Variants in PSMA6 observed in about 807,000 individuals in gnomAD.
The protein encoded by PSMA6 is proteasome subunit alpha type-6.
For missense variants in PSMA6, 170 were observed against 294.8 expected, an observed-to-expected ratio of 0.58 and a Z score of 3.10; for synonymous variants, 88 against 97.7, an observed-to-expected ratio of 0.90 and a Z score of 0.59.
intron 1 of PSMA6, among the ~76,000 whole-genome samples, chr14:35,280,191 G>A (rs527323931): frequency 1.3e-5 from 2 of 151,676 alleles, no homozygotes; most frequent in East Asian, 3.9e-4. Context: ...TGTAATCCCA[G>A]CACTTTGGGA....
At chr14:35,311,132 G>A in intron 4 of PSMA6, 2 of 372,296 alleles carry the variant, frequency 5.4e-6, no homozygotes, top group South Asian at 7.9e-5. Flanking sequence ...TCCATTTGGT[G>A]TATGTGATTT....
chr14:35,297,408 G>C (rs2138723364), intron 1 of PSMA6, among the ~76,000 whole-genome samples: 1 of 151,918 alleles, frequency 6.6e-6, no homozygotes, highest in South Asian at 2.1e-4. Context: ...GTAGAGACGG[G>C]GTTTCACCGT....
chr14:35,292,928 C>T (rs1244825779), intron 1 of PSMA6: 5 of 472,508 alleles, frequency 1.1e-5, no homozygotes, highest in Middle Eastern at 6.3e-4. Context: ...TAAAATGCCT[C>T]CTCTCCGTTT....
chr14:35,279,668 G>GT (rs2051344095), intron 1 of PSMA6, among the ~76,000 whole-genome samples: 1 of 152,234 alleles, frequency 6.6e-6, no homozygotes. Flanking sequence ...GTCAGGCCAT[G>GT]TTTTTGAAGA....
intron 4 of PSMA6, chr14:35,312,667 C>T: frequency 2.3e-6 from 1 of 428,794 alleles, no homozygotes; most frequent in Non-Finnish European, 4.1e-6. Flanking sequence ...TTTTTTTAAT[C>T]TGTGATAAAT....
At position 35,310,855 on chromosome 14, in the gene PSMA6, G is replaced by A. The variant is rs147055056; in HGVS notation, c.369G>A (p.Gln123=). 166 of 1,613,884 alleles carry A rather than the reference G, an allele frequency of 1.0e-4. No individual in the cohort carries two copies. In the Middle Eastern group the frequency reaches 1.2e-3, roughly 11 times the overall value. Residue 123 remains glutamine, a synonymous_variant, in exon 4 of 7, where the codon CAG becomes CAA. Coordinates refer to ENST00000261479, the MANE Select transcript of PSMA6 (RefSeq NM_002791.3). ...GTAAAAGAATTGCCGATATTTCTCA[G>A]GTCTACACACAGAATGCTGAAATGA... ...MLCKRIADIS[Q]VYTQNAEMRP...
chr14:35,290,994 A>AT (rs201736184), upstream of PSMA6, among the ~76,000 whole-genome samples: 82,091 of 146,964 alleles, frequency 0.56, 22,822 homozygotes, highest in East Asian at 0.79. Flanking sequence ...TCAGTTCCAC[A>AT]TTTTTTTTTT....
In PSMA6 at chr14:35,312,975, G is replaced by A. The variant is rs1020839939; in HGVS notation, c.504G>A (p.Ala168=). The A allele has an allele frequency of 2.5e-6, 4 of 1,583,338 alleles. No homozygotes were observed. The highest frequency in any genetic ancestry group is 1.4e-5 in the African/African-American group (1 of 72,358). ...GYYCGFKATA[A]GVKQTESTSF... ...ACTGTGGGTTTAAAGCCACTGCAGCGGGAGTTAAACAAACTGAGTCAACCA... is the reference window on the plus strand; with the variant it reads ...ACTGTGGGTTTAAAGCCACTGCAGCAGGAGTTAAACAAACTGAGTCAACCA... Residue 168 remains alanine, a synonymous_variant, in exon 5 of 7, where the codon GCG becomes GCA. Coordinates refer to ENST00000261479, the MANE Select transcript of PSMA6 (RefSeq NM_002791.3).
chr14:35,312,864 G>T lies in PSMA6; in HGVS notation c.410-17G>T. On this transcript the variant is annotated splice_polypyrimidine_tract_variant and intron_variant, in intron 4 of 6. Transcript: ENST00000261479. Reference sequence around the variant, plus strand: ...TATAAAGCTAAAACATTTAATTAGGGTCTTTTCTCTTTTTAGGTATGATTT... The same window carrying T: ...TATAAAGCTAAAACATTTAATTAGGTTCTTTTCTCTTTTTAGGTATGATTT... The T allele has an allele frequency of 6.4e-7, 1 of 1,560,984 alleles. No homozygotes were observed. Among genetic ancestry groups the T allele is most frequent in the Non-Finnish European group, 8.6e-7 (1 of 1,161,078 alleles).
intron 1 of PSMA6, among the ~76,000 whole-genome samples, chr14:35,298,881 G>A (rs529110337): frequency 7.9e-5 from 12 of 151,522 alleles, no homozygotes; most frequent in South Asian, 2.1e-4. Context: ...TTACAGGCGC[G>A]CACCACCATA....
At chr14:35,294,662 C>G (rs534885842) in intron 1 of PSMA6, among the ~76,000 whole-genome samples, 2 of 152,018 alleles carry the variant, frequency 1.3e-5, no homozygotes, top group South Asian at 4.2e-4. Flanking sequence ...ATAGTAAATG[C>G]TCAGTGAATG....
At chr14:35,314,867 C>A (rs1022460633) in intron 6 of PSMA6, 2 of 154,240 alleles carry the variant, frequency 1.3e-5, no homozygotes, top group African/African-American at 4.9e-5. Context: ...ATATGAGTTA[C>A]TGATATATGT....
chr14:35,294,664 CAGTG>C (rs1295511392), intron 1 of PSMA6, among the ~76,000 whole-genome samples: 9 of 151,930 alleles, frequency 5.9e-5, no homozygotes, highest in Non-Finnish European at 1.0e-4. Flanking sequence ...AGTAAATGCT[CAGTG>C]AATGTTATTA....
At chr14:35,313,224 C>G (rs2051978266) in intron 5 of PSMA6, 165 bp downstream of exon 5, 2 of 583,640 alleles carry the variant, frequency 3.4e-6, no homozygotes, top group Non-Finnish European at 5.5e-6. Context: ...ATTTGAGTTG[C>G]TTTTATTCAC....
At chr14:35,312,367 C>T (rs1054852771) in intron 4 of PSMA6, among the ~76,000 whole-genome samples, 3 of 151,740 alleles carry the variant, frequency 2.0e-5, no homozygotes, top group Admixed American at 2.0e-4. Flanking sequence ...ATTAGCTGGG[C>T]GTGGTGGTGG....
chr14:35,288,535 A>T (rs1382642701), upstream of PSMA6, among the ~76,000 whole-genome samples: 1 of 152,070 alleles, frequency 6.6e-6, no homozygotes, highest in African/African-American at 2.4e-5. Flanking sequence ...AACAACAAAA[A>T]CAGATGTGGC....
intron 2 of PSMA6, 188 bp from the exon 3 acceptor site, chr14:35,308,726 C>T: frequency 2.0e-6 from 1 of 490,946 alleles, no homozygotes; most frequent in Non-Finnish European, 3.6e-6. Flanking sequence ...TAAATAGAGC[C>T]CCTCGAAACT....
At chr14:35,291,175 G>C (rs1162919973), upstream of PSMA6, among the ~76,000 whole-genome samples, 1 of 148,352 alleles carries the variant, frequency 6.7e-6, no homozygotes, top group Non-Finnish European at 1.5e-5. Context: ...TTTTTGTAGA[G>C]ACGGGGCCTT....
chr14:35,315,666 T>A (rs2052031078), intron 6 of PSMA6: 1 of 143,288 alleles, frequency 7.0e-6, no homozygotes, highest in Admixed American at 7.1e-5. Context: ...GGGTGAGGGG[T>A]GGGGGCAGGG....
Sources: allele counts gnomAD v4.1 joint callset (sites outside exome capture counted in the v4.1 genomes callset), GRCh38; gene constraint gnomAD v4.1.1; transcripts MANE v1.5; gene names NCBI Gene and HGNC (gene_info 2026-07-23, HGNC 2026-07-21).